STK24: variants seen among roughly 807,000 people sequenced by gnomAD.
STK24 encodes serine/threonine-protein kinase 24.
Under a neutral mutation model 55.6 loss-of-function variants are expected in STK24, and 21 were observed. The observed-to-expected ratio is 0.38, with a 90% CI of 0.27 to 0.54. The LOEUF (loss-of-function observed/expected upper bound fraction) is 0.54, where lower values mean the gene tolerates loss of function less well. Ranked by LOEUF, STK24 falls within the 20% of genes least tolerant of loss-of-function variation. The pLI is 0.79. For missense variants in STK24, 383 were observed against 538.4 expected (o/e 0.71, Z 2.86); for synonymous variants, 200 against 215.2 (o/e 0.93, Z 0.62).
At chr13:98,567,981 C>T (rs1354371637) in intron 1 of STK24, among the ~76,000 whole-genome samples, 3 of 148,408 alleles carry the variant, frequency 2.0e-5, no homozygotes, top group African/African-American at 5.0e-5. Context: ...AACGCTAAAC[C>T]GGAGGTGCAG....
At chr13:98,477,673 T>TC (rs1389216019) in intron 3 of STK24, among the ~76,000 whole-genome samples, 1 of 136,080 alleles carries the variant, frequency 7.3e-6, no homozygotes, top group African/African-American at 2.8e-5. Context: ...AGATTCCGTC[T>TC]CAAAAAAAAA....
At chr13:98,513,381 G>A (rs76300473) in intron 2 of STK24, among the ~76,000 whole-genome samples, 2,401 of 152,292 alleles carry the variant, frequency 0.016, 71 homozygotes, top group African/African-American at 0.055. Context: ...GTGGACATTC[G>A]GGCTGGGTGA....
intron 1 of STK24, among the ~76,000 whole-genome samples, chr13:98,522,661 T>C (rs59164154): frequency 0.016 from 2,365 of 152,328 alleles, 60 homozygotes; most frequent in African/African-American, 0.054. Context: ...CCTCCCACAG[T>C]AGCCCTCTGC....
rs1263080948 is a variant in STK24 at position 98,564,726 on chromosome 13, G to C, written c.42+12019C>G. On this transcript the variant is annotated intron_variant, in intron 1 of 10. Coordinates refer to ENST00000539966, the MANE Select transcript of STK24 (RefSeq NM_001032296.4). The stretch of plus-strand genomic sequence containing the variant: ...AAAAGACTACTGCACCCTAGATCTT[G>C]AGAGATGCACTCCTTATGAAATAAG... Among the ~76,000 whole-genome samples the C allele has an allele frequency of 2.0e-5, 3 of 152,120 alleles. No homozygotes were observed. The South Asian group carries it at 6.2e-4, about 32-fold the overall frequency.
At chr13:98,554,083 A>G (rs1897226090) in intron 1 of STK24, among the ~76,000 whole-genome samples, 1 of 151,080 alleles carries the variant, frequency 6.6e-6, no homozygotes, top group African/African-American at 2.4e-5. Flanking sequence ...AAAAAAAAAA[A>G]GGAAGGAAAG....
At chr13:98,505,621 A>G (rs1191845534) in intron 2 of STK24, among the ~76,000 whole-genome samples, 3 of 152,242 alleles carry the variant, frequency 2.0e-5, no homozygotes, top group African/African-American at 7.2e-5. Flanking sequence ...AAAATTCTGT[A>G]AACTAACTTG....
chr13:98,510,985 C>T (rs1479012938), intron 2 of STK24, among the ~76,000 whole-genome samples: 7 of 152,168 alleles, frequency 4.6e-5, no homozygotes, highest in Admixed American at 2.6e-4. Flanking sequence ...AACAACCACA[C>T]GGTAGTATTT....
intron 1 of STK24, among the ~76,000 whole-genome samples, chr13:98,556,395 C>A (rs765778377): frequency 1.3e-5 from 2 of 152,242 alleles, no homozygotes; most frequent in African/African-American, 4.8e-5. Context: ...AAGAAGTAAG[C>A]CCTCACGTTC....
chr13:98,486,196 A>G (rs1236547397), intron 2 of STK24, among the ~76,000 whole-genome samples: 2 of 97,496 alleles, frequency 2.1e-5, no homozygotes, highest in Admixed American at 1.0e-4. Flanking sequence ...CCCAGAACTT[A>G]AAAGTATTAA....
At chr13:98,490,415 T>C (rs900168569) in intron 2 of STK24, among the ~76,000 whole-genome samples, 1 of 152,146 alleles carries the variant, frequency 6.6e-6, no homozygotes, top group Non-Finnish European at 1.5e-5. Flanking sequence ...CTATCACTTA[T>C]TATCTTTAGT....
intron 6 of STK24, among the ~76,000 whole-genome samples, chr13:98,464,956 G>A (rs1182078242): frequency 6.6e-6 from 1 of 152,160 alleles, no homozygotes; most frequent in Non-Finnish European, 1.5e-5. Context: ...AACTTTCCCG[G>A]TTTAGAAGGG....
chr13:98,481,597 C>T (rs1440687148), intron 3 of STK24, among the ~76,000 whole-genome samples: 4 of 152,168 alleles, frequency 2.6e-5, no homozygotes, highest in Admixed American at 1.3e-4. Context: ...AAATATGAAA[C>T]GATGAGATAA....
At chr13:98,563,141 T>C (rs1213446093) in intron 1 of STK24, among the ~76,000 whole-genome samples, 5 of 151,972 alleles carry the variant, frequency 3.3e-5, no homozygotes, top group African/African-American at 9.7e-5. Context: ...TCAACTGAAG[T>C]TGTTTAAACT....
At chr13:98,525,471 T>A (rs1213776094) in intron 1 of STK24, among the ~76,000 whole-genome samples, 1 of 151,920 alleles carries the variant, frequency 6.6e-6, no homozygotes, top group African/African-American at 2.4e-5. Flanking sequence ...CAAAGTCACC[T>A]CCCCTAGGGC....
At chr13:98,564,407 G>A (rs1020185663) in intron 1 of STK24, among the ~76,000 whole-genome samples, 5 of 152,246 alleles carry the variant, frequency 3.3e-5, no homozygotes, top group African/African-American at 1.2e-4. Context: ...AAGGCAAGCG[G>A]TACTGAGTCT....
In STK24 at chr13:98,446,027, G is replaced by T. The variant is rs1255682446; in HGVS notation, c.*7146C>A. Reference sequence around the variant, plus strand: ...GCCCCAGCCCAGGGCCCTGGTGCAGGGAGAGCTGCTCTCTGTGCCCTCCTG... The same window carrying T: ...GCCCCAGCCCAGGGCCCTGGTGCAGTGAGAGCTGCTCTCTGTGCCCTCCTG... On this transcript the variant is annotated 3_prime_UTR_variant, in exon 11 of 11. Transcript: ENST00000539966. 1.9e-6 allele frequency: 2 copies of T among 1,035,800 alleles called. No individual in the cohort carries two copies. The highest frequency in any genetic ancestry group is 3.0e-6 in the Non-Finnish European group (2 of 666,426). 64.2% of individuals were successfully genotyped at this position (1,035,800 alleles called of 1,614,324 possible).
chr13:98,574,640 C>T (rs1897833107), intron 1 of STK24, among the ~76,000 whole-genome samples: 1 of 152,222 alleles, frequency 6.6e-6, no homozygotes, highest in Admixed American at 6.5e-5. Context: ...CAGAAGCCAA[C>T]TTACCTACCT....
rs1329250645 is a variant in STK24 at position 98,577,039 on chromosome 13, T to G, written c.-253A>C. ...TCGCGCGCACTGCCGCCGCCGCCGC[T>G]GCTGCCGCTACTGCTGGGCTGGAGC... On this transcript the variant is annotated 5_prime_UTR_variant, in exon 1 of 11. Transcript: ENST00000539966. The surrounding 1 kb of genome is among the most constrained non-coding windows in gnomAD (Gnocchi z 4.1). The G allele has an allele frequency of 3.4e-5, 5 of 147,440 alleles. No individual in the cohort carries two copies. Among genetic ancestry groups the G allele is most frequent in the African/African-American group, 7.4e-5 (3 of 40,692 alleles). 9.1% of individuals were successfully genotyped at this position (147,440 alleles called of 1,614,324 possible). A position where few individuals can be genotyped will look rare whatever the true frequency, so the allele number is the denominator to read the frequency against.
rs1011552388 is a variant in STK24 at position 98,448,707 on chromosome 13, G to C, written c.*4466C>G. ...TTTCTTTTATTATTTTCACCTATTG[G>C]CTGCTGCATTTTACGAAGTGGACTT... On this transcript the variant is annotated 3_prime_UTR_variant, in exon 11 of 11. Transcript: ENST00000539966. The C allele has an allele frequency of 1.2e-5, 2 of 165,414 alleles. No individual in the cohort carries two copies. Among genetic ancestry groups the C allele is most frequent in the African/African-American group, 4.8e-5 (2 of 41,382 alleles). The allele number at this position is 165,414 out of a possible 1,614,324, so 10.2% of individuals were successfully genotyped here. A position where few individuals can be genotyped will look rare whatever the true frequency, so the allele number is the denominator to read the frequency against.
Sources: allele counts gnomAD v4.1 joint callset (sites outside exome capture counted in the v4.1 genomes callset), GRCh38; gene constraint gnomAD v4.1.1; non-coding constraint Gnocchi (gnomAD v3.1); transcripts MANE v1.5; gene names NCBI Gene and HGNC (gene_info 2026-07-23, HGNC 2026-07-21).